The following PDE3A variants were observed in gnomAD, a reference collection of about 807,000 sequenced individuals.
PDE3A encodes phosphodiesterase 3A, also known as cGMP-inhibited 3',5'-cyclic phosphodiesterase 3A.
In PDE3A, 43 loss-of-function variants were observed where a neutral mutation model predicts 98.3. That is an observed-to-expected ratio of 0.44 (90% CI 0.34 to 0.56). PDE3A has a LOEUF of 0.56. Among genes scored for constraint, PDE3A ranks in the 20% least tolerant of loss-of-function variants. PDE3A has a pLI of 0.01. For synonymous variants in PDE3A, 663 were observed against 567.9 expected (o/e 1.17, Z -2.38); for missense variants, 1,427 against 1,440.7 (o/e 0.99, Z 0.15).
chr12:20,672,401 G>A (rs1159157319), intron 15 of PDE3A, among the ~76,000 whole-genome samples: 25 of 77,086 alleles, frequency 3.2e-4, no homozygotes, highest in African/African-American at 1.2e-3. Context: ...TCAATCCTAA[G>A]CCAAAAGAAC....
intron 1 of PDE3A, among the ~76,000 whole-genome samples, chr12:20,387,564 G>A (rs906376920): frequency 2.0e-5 from 3 of 151,880 alleles, no homozygotes; most frequent in Admixed American, 2.0e-4. Context: ...TTCCATCAAA[G>A]ACATATTGCC....
intron 1 of PDE3A, among the ~76,000 whole-genome samples, chr12:20,442,704 C>A (rs1045679304): frequency 1.3e-4 from 20 of 152,136 alleles, no homozygotes; most frequent in Non-Finnish European, 2.5e-4. Flanking sequence ...AGTGTCGAGT[C>A]AAATGTAGCA....
intron 1 of PDE3A, among the ~76,000 whole-genome samples, chr12:20,497,285 CAGAT>C (rs1285226338): frequency 1.3e-5 from 2 of 151,680 alleles, no homozygotes; most frequent in Non-Finnish European, 2.9e-5. Context: ...ATGTATATAA[CAGAT>C]AGTAATTTTT....
chr12:20,621,513 A>T (rs952255362), intron 5 of PDE3A, 102 bp downstream of exon 5: 8 of 659,844 alleles, frequency 1.2e-5, no homozygotes, highest in Non-Finnish European at 1.9e-5. Context: ...CTATATTCAG[A>T]TATGTTTGGT....
intron 2 of PDE3A, among the ~76,000 whole-genome samples, chr12:20,609,366 A>T (rs1943792174): frequency 1.3e-5 from 2 of 152,072 alleles, no homozygotes; most frequent in African/African-American, 4.8e-5. Context: ...AGGAGGTAAA[A>T]GATTTGTACA....
chr12:20,631,636 T>G (rs990704321), intron 6 of PDE3A, among the ~76,000 whole-genome samples: 35 of 151,514 alleles, frequency 2.3e-4, no homozygotes, highest in African/African-American at 8.2e-4. Context: ...ATAAGTCCCC[T>G]AAAGAAAGGA....
At chr12:20,653,829 G>C (rs1020251704) in intron 14 of PDE3A, 118 bp from the exon 15 acceptor site, 1 of 1,032,210 alleles carries the variant, frequency 9.7e-7, no homozygotes, top group Non-Finnish European at 1.4e-6. Context: ...CTTAGCACTT[G>C]AGGTAGGATC....
At chr12:20,567,498 T>C (rs1486045526) in intron 2 of PDE3A, among the ~76,000 whole-genome samples, 2 of 152,006 alleles carry the variant, frequency 1.3e-5, no homozygotes, top group Non-Finnish European at 2.9e-5. Flanking sequence ...TAAACTGAAA[T>C]TACTGGATGA....
chr12:20,482,920 A>C (rs1057494275), intron 1 of PDE3A, among the ~76,000 whole-genome samples: 2 of 152,176 alleles, frequency 1.3e-5, no homozygotes, highest in Non-Finnish European at 2.9e-5. Context: ...TTTTTTTCCT[A>C]GAAAGTGCAA....
intron 1 of PDE3A, among the ~76,000 whole-genome samples, chr12:20,499,488 A>T (rs968843335): frequency 4.6e-5 from 7 of 152,182 alleles, no homozygotes; most frequent in Admixed American, 4.6e-4. Flanking sequence ...GATTTTTATG[A>T]TATAACATAT....
In PDE3A at chr12:20,618,582, G is replaced by T. The variant is rs1359710188; in HGVS notation, c.1424+2198G>T. 2.0e-5 allele frequency among the ~76,000 whole-genome samples: 3 copies of T among 152,052 alleles called. No homozygotes were observed. In the South Asian group the frequency reaches 6.2e-4, roughly 31 times the overall value. On this transcript the variant is annotated intron_variant, in intron 4 of 15. Coordinates refer to ENST00000359062, the MANE Select transcript of PDE3A (RefSeq NM_000921.5). The stretch of plus-strand genomic sequence containing the variant: ...GGGTCTTGGCCCTACCAACCACTCA[G>T]AAATGAAATGTACTGTGTTCTTAGA...
At position 20,368,590 on chromosome 12, in the gene PDE3A, C is replaced by T. The variant is rs145844723; in HGVS notation, c.-695C>T. Reference sequence around the variant, plus strand: ...GACGGGACTTAGCAACTTCTTATTTCTCAGCCCCTTGTCCATTTTTTTTTT... The same window carrying T: ...GACGGGACTTAGCAACTTCTTATTTTTCAGCCCCTTGTCCATTTTTTTTTT... On this transcript the variant is annotated 5_prime_UTR_variant, in exon 1 of 16. Coordinates refer to ENST00000359062, the MANE Select transcript of PDE3A (RefSeq NM_000921.5). Among the ~76,000 whole-genome samples the T allele has an allele frequency of 4.2e-3, 635 of 151,982 alleles. 3 individuals are homozygous for T. The highest frequency in any genetic ancestry group is 0.014 in the Middle Eastern group (4 of 294).
At chr12:20,612,768 C>T (rs975461979) in intron 2 of PDE3A, among the ~76,000 whole-genome samples, 1 of 114,268 alleles carries the variant, frequency 8.8e-6, no homozygotes, top group Non-Finnish European at 1.9e-5. Context: ...ATATATATGG[C>T]CTCTGTGTTT....
rs1441564588 is a variant in PDE3A, at chr12:20,552,369, G to A, written c.961-4291G>A. 43 of 1,613,652 alleles carry A rather than the reference G, an allele frequency of 2.7e-5. No individual in the cohort carries two copies. The highest frequency in any genetic ancestry group is 3.4e-5 in the Non-Finnish European group (40 of 1,179,868). ...GGTTTCTCGTGTGGCGCTACCTTCT[G>A]CGGAGGGACGATGATGAGCCCGGCC... On this transcript the variant is annotated intron_variant, in intron 1 of 15. Coordinates refer to ENST00000359062, the MANE Select transcript of PDE3A (RefSeq NM_000921.5). This position sits in a 1 kb window ranked among gnomAD's most constrained non-coding sequence, Gnocchi z 5.1.
intron 1 of PDE3A, among the ~76,000 whole-genome samples, chr12:20,545,292 A>G (rs1942021610): frequency 6.6e-6 from 1 of 152,078 alleles, no homozygotes; most frequent in African/African-American, 2.4e-5. Context: ...TAGGAAGATC[A>G]TTATCAGAAA....
chr12:20,369,557 G>A lies in PDE3A; in HGVS notation c.273G>A (p.Gln91=). 1 of 1,557,362 alleles carries A rather than the reference G, an allele frequency of 6.4e-7. No homozygotes were observed. The highest frequency in any genetic ancestry group is 1.2e-5 in the South Asian group (1 of 84,168). ...VRGEVGCDLE[Q]CKEAAAAEEE... is the part of the protein sequence containing the mutation. ...GGGAGGTCGGCTGTGACCTGGAGCA[G>A]TGTAAGGAGGCGGCGGCGGCGGAGG... is the stretch of plus-strand genomic sequence containing the variant. The change falls in exon 1 of 16, where the codon CAG becomes CAA. Residue 91 remains glutamine, a synonymous_variant. Coordinates refer to ENST00000359062, the MANE Select transcript of PDE3A (RefSeq NM_000921.5).
intron 5 of PDE3A, among the ~76,000 whole-genome samples, chr12:20,622,041 C>T (rs1234136331): frequency 6.6e-6 from 1 of 152,100 alleles, no homozygotes; most frequent in African/African-American, 2.4e-5. Flanking sequence ...CATGGTTTCA[C>T]TTCTCAGTAT....
intron 15 of PDE3A, among the ~76,000 whole-genome samples, chr12:20,663,207 G>A (rs949193095): frequency 3.3e-5 from 5 of 152,224 alleles, no homozygotes; most frequent in Non-Finnish European, 5.9e-5. Context: ...ATGCCTGGAT[G>A]TCCTGGCAGA....
chr12:20,378,398 T>C (rs1591859959), intron 1 of PDE3A, among the ~76,000 whole-genome samples: 1 of 151,782 alleles, frequency 6.6e-6, no homozygotes, highest in Non-Finnish European at 1.5e-5. Context: ...TATATAGATA[T>C]ATAGATTAAC....
Sources: allele counts gnomAD v4.1 joint callset (sites outside exome capture counted in the v4.1 genomes callset), GRCh38; gene constraint gnomAD v4.1.1; non-coding constraint Gnocchi (gnomAD v3.1); transcripts MANE v1.5; gene names NCBI Gene and HGNC (gene_info 2026-07-23, HGNC 2026-07-21).